Variants in ATXN10 observed in about 807,000 individuals in gnomAD.
The protein encoded by ATXN10 is ataxin 10.
Under a neutral mutation model 52.9 loss-of-function variants are expected in ATXN10, and 28 were observed. The ratio of observed to expected loss-of-function variants is 0.53; its 90% CI spans 0.39 to 0.73. ATXN10 has a LOEUF of 0.73. Among genes scored for constraint, ATXN10 ranks in the 30% least tolerant of loss-of-function variants. ATXN10 has a pLI of 0.00. For synonymous variants in ATXN10, 226 were observed against 221.5 expected, an observed-to-expected ratio of 1.02 and a Z score of -0.18; for missense variants, 565 against 577.0, an observed-to-expected ratio of 0.98 and a Z score of 0.21.
chr22:45,690,557 G>T lies in ATXN10; in HGVS notation c.308+654G>T, dbSNP rs758463171. Among the ~76,000 whole-genome samples the T allele has an allele frequency of 1.3e-5, 2 of 152,162 alleles. No individual in the cohort carries two copies. Among genetic ancestry groups the T allele is most frequent in the Non-Finnish European group, 2.9e-5 (2 of 68,034 alleles). On this transcript the variant is annotated intron_variant, in intron 2 of 11. Coordinates refer to ENST00000252934, the MANE Select transcript of ATXN10 (RefSeq NM_013236.4). The surrounding 1 kb of genome is among the most constrained non-coding windows in gnomAD (Gnocchi z 4.5). ...CTGCCTAAGTTTATATGCAGTTCTT[G>T]ACCTCAGGTTGTAAATGTTTTAATT...
rs1926439065 is a variant in ATXN10 at position 45,762,655 on chromosome 22, G to C, written c.1173+22117G>C. Among the ~76,000 whole-genome samples, 1 of 152,120 alleles carries C rather than the reference G, an allele frequency of 6.6e-6. No homozygotes were observed. Among genetic ancestry groups the C allele is most frequent in the Admixed American group, 6.5e-5 (1 of 15,280 alleles). On this transcript the variant is annotated intron_variant, in intron 9 of 11. Transcript: ENST00000252934. This position sits in a 1 kb window ranked among gnomAD's most constrained non-coding sequence, Gnocchi z 4.3. The stretch of plus-strand genomic sequence containing the variant: ...CAGACTCCCAGAGCATGAACCAAGG[G>C]GCTTCCAGGCCTCAGGGACTGCCTC...
chr22:45,843,613 G>T lies in ATXN10; in HGVS notation c.1426-56G>T, dbSNP rs1929418736. ...TGGGTTTTTTCCCCTTTTGTCTGAT[G>T]AATCTTGTGAACAGATTTGCTACAT... On this transcript the variant is annotated intron_variant, in intron 11 of 11. Coordinates refer to ENST00000252934, the MANE Select transcript of ATXN10 (RefSeq NM_013236.4). This position sits in a 1 kb window ranked among gnomAD's most constrained non-coding sequence, Gnocchi z 4.5. The T allele has an allele frequency of 6.3e-7, 1 of 1,584,788 alleles. No individual in the cohort carries two copies. The highest frequency in any genetic ancestry group is 8.7e-7 in the Non-Finnish European group (1 of 1,155,676).
At position 45,671,857 on chromosome 22, in the gene ATXN10, G is replaced by C. The variant is rs905085942; in HGVS notation, c.-207G>C. 1.2e-4 allele frequency: 54 copies of C among 441,396 alleles called. No individual in the cohort carries two copies. Among genetic ancestry groups the C allele is most frequent in the African/African-American group, 1.1e-3 (50 of 47,556 alleles). 27.3% of individuals were successfully genotyped at this position (441,396 alleles called of 1,614,324 possible). A position where few individuals can be genotyped will look rare whatever the true frequency, so the allele number is the denominator to read the frequency against. ...GCGCCGTCTCCTCCTCCCGCCTGAG[G>C]CGAGTCTGGGCTCAGCCTAGAGCTC... On this transcript the variant is annotated 5_prime_UTR_variant, in exon 1 of 12. Transcript: ENST00000252934.
chr22:45,703,009 G>A (rs1601596735), intron 5 of ATXN10, among the ~76,000 whole-genome samples, 162 bp downstream of exon 5: 1 of 152,306 alleles, frequency 6.6e-6, no homozygotes, highest in East Asian at 1.9e-4. Context: ...AGAATCTAGA[G>A]AACTTGTGAA....
rs1345959860 is a variant in ATXN10 at position 45,684,039 on chromosome 22, A to G, written c.117-5673A>G. On this transcript the variant is annotated intron_variant, in intron 1 of 11. Coordinates refer to ENST00000252934, the MANE Select transcript of ATXN10 (RefSeq NM_013236.4). This position sits in a 1 kb window ranked among gnomAD's most constrained non-coding sequence, Gnocchi z 4.1. ...TGATCATAGCTCACCATAGCCTTGA[A>G]CTCCTGGGTTCAAGCAGTCCTTCTG... Among the ~76,000 whole-genome samples, 1 of 151,578 alleles carries G rather than the reference A, an allele frequency of 6.6e-6. No individual in the cohort carries two copies. Among genetic ancestry groups the G allele is most frequent in the Non-Finnish European group, 1.5e-5 (1 of 67,914 alleles).
intron 5 of ATXN10, among the ~76,000 whole-genome samples, chr22:45,716,136 A>C (rs541140541): frequency 1.1e-3 from 167 of 152,250 alleles, no homozygotes; most frequent in African/African-American, 3.7e-3. Flanking sequence ...ATGGTGGCAC[A>C]TGCGTGTAGT....
chr22:45,738,305 G>T (rs1438257425), intron 7 of ATXN10, among the ~76,000 whole-genome samples: 1 of 152,214 alleles, frequency 6.6e-6, no homozygotes, highest in Admixed American at 6.5e-5. Flanking sequence ...CTGTGGACAA[G>T]AAATTAATGT....
chr22:45,722,901 G>T (rs1924713906), intron 6 of ATXN10, among the ~76,000 whole-genome samples: 1 of 151,836 alleles, frequency 6.6e-6, no homozygotes, highest in Non-Finnish European at 1.5e-5. Flanking sequence ...ATCCCTATCT[G>T]TGGATACCTT....
In ATXN10 at chr22:45,795,606, G is replaced by T. The variant is rs1007824744; in HGVS notation, c.1174-11353G>T. On this transcript the variant is annotated intron_variant, in intron 9 of 11. Transcript: ENST00000252934. This position sits in a 1 kb window ranked among gnomAD's most constrained non-coding sequence, Gnocchi z 4.6. Reference sequence around the variant, plus strand: ...GTATTTTTAGTAGAGACGGTGTTTCGGGAAGTCAGGGACCCTGAACGGAGG... The same window carrying T: ...GTATTTTTAGTAGAGACGGTGTTTCTGGAAGTCAGGGACCCTGAACGGAGG... Among the ~76,000 whole-genome samples, 5 of 151,978 alleles carry T rather than the reference G, an allele frequency of 3.3e-5. No individual in the cohort carries two copies. Among genetic ancestry groups the T allele is most frequent in the Admixed American group, 2.0e-4 (3 of 15,244 alleles).
rs1569028133 is a variant in ATXN10 at position 45,700,395 on chromosome 22, G to A, written c.488+17G>A. ...ACTGTTTTTGTGAGTATATTGATAA[G>A]CATTTTTCTAACTTGTGAGAAGATT... On this transcript the variant is annotated intron_variant, in intron 4 of 11. Transcript: ENST00000252934. 1.9e-6 allele frequency: 3 copies of A among 1,578,270 alleles called. No individual in the cohort carries two copies. Among genetic ancestry groups the A allele is most frequent in the East Asian group, 2.2e-5 (1 of 44,698 alleles).
chr22:45,721,919 A>G (rs976340041), intron 6 of ATXN10, among the ~76,000 whole-genome samples: 1 of 152,148 alleles, frequency 6.6e-6, no homozygotes, highest in South Asian at 2.1e-4. Flanking sequence ...TGTCACATGA[A>G]AAAACAAAAC....
At chr22:45,768,830 G>A (rs1380855237) in intron 9 of ATXN10, among the ~76,000 whole-genome samples, 1 of 152,228 alleles carries the variant, frequency 6.6e-6, no homozygotes, top group Non-Finnish European at 1.5e-5. Flanking sequence ...TGTTCATGGA[G>A]AGATGTCCAT....
rs1288521994 is a variant in ATXN10 at position 45,672,188 on chromosome 22, T to C, written c.116+9T>C. The C allele has an allele frequency of 8.5e-6, 13 of 1,527,312 alleles. No individual in the cohort carries two copies. Among genetic ancestry groups the C allele is most frequent in the Non-Finnish European group, 1.1e-5 (13 of 1,139,896 alleles). 94.6% of individuals were successfully genotyped at this position (1,527,312 alleles called of 1,614,324 possible). ...AAAGAGCAGCGGAACCGGTAACGGGTCCGGCCGGGGGGCTGCCCCGGGCAG... is the reference window on the plus strand; with the variant it reads ...AAAGAGCAGCGGAACCGGTAACGGGCCCGGCCGGGGGGCTGCCCCGGGCAG... On this transcript the variant is annotated intron_variant, in intron 1 of 11. Transcript: ENST00000252934.
chr22:45,714,551 A>T (rs1233476784), intron 5 of ATXN10, among the ~76,000 whole-genome samples: 1 of 151,652 alleles, frequency 6.6e-6, no homozygotes. Flanking sequence ...TGGCTGATTA[A>T]TTTTTTATTT....
At chr22:45,791,980 T>A (rs1041191760) in intron 9 of ATXN10, among the ~76,000 whole-genome samples, 5 of 152,204 alleles carry the variant, frequency 3.3e-5, no homozygotes, top group Non-Finnish European at 7.3e-5. Flanking sequence ...TATTTTTTCT[T>A]ATTTTCTTCC....
chr22:45,716,701 A>T lies in ATXN10; in HGVS notation c.648-1712A>T, dbSNP rs563746897. The stretch of plus-strand genomic sequence containing the variant: ...TGACCCACAGTTCTACTTTGAGAGG[A>T]TAGAAAAAGAAGAGCATAGTAAGTC... On this transcript the variant is annotated intron_variant, in intron 5 of 11. Transcript: ENST00000252934. Among the ~76,000 whole-genome samples the T allele has an allele frequency of 2.0e-5, 3 of 152,262 alleles. No individual in the cohort carries two copies. The South Asian group carries it at 6.2e-4, about 32-fold the overall frequency.
rs1252193347 is a variant in ATXN10, at chr22:45,837,561, CTATT to C, written c.1238-5421_1238-5418del. ...ACAGGCGTGAGCCACTATGCCCGGC[CTATT>C]TATTTATTAATTCAACAAATATCCA... On this transcript the variant is annotated intron_variant, in intron 10 of 11. Coordinates refer to ENST00000252934, the MANE Select transcript of ATXN10 (RefSeq NM_013236.4). This position sits in a 1 kb window ranked among gnomAD's most constrained non-coding sequence, Gnocchi z 5.8. 1.3e-5 allele frequency among the ~76,000 whole-genome samples: 2 copies of C among 152,260 alleles called. No individual in the cohort carries two copies. The highest frequency in any genetic ancestry group is 6.5e-5 in the Admixed American group (1 of 15,286).
In ATXN10 at chr22:45,770,771, A is replaced by C. The variant is rs1190777042; in HGVS notation, c.1173+30233A>C. ...GGGGAGCTAAGGGCAGGATCCAGCC[A>C]CGTCACATTCTCCATGCCTTGCTGG... On this transcript the variant is annotated intron_variant, in intron 9 of 11. Transcript: ENST00000252934. This position sits in a 1 kb window ranked among gnomAD's most constrained non-coding sequence, Gnocchi z 4.5. 1.3e-5 allele frequency among the ~76,000 whole-genome samples: 2 copies of C among 152,202 alleles called. No homozygotes were observed. Among genetic ancestry groups the C allele is most frequent in the Non-Finnish European group, 2.9e-5 (2 of 68,038 alleles).
At position 45,833,386 on chromosome 22, in the gene ATXN10, C is replaced by A. The variant is rs960806221; in HGVS notation, c.1238-9605C>A. Among the ~76,000 whole-genome samples, 1 of 152,194 alleles carries A rather than the reference C, an allele frequency of 6.6e-6. No individual in the cohort carries two copies. Among genetic ancestry groups the A allele is most frequent in the South Asian group, 2.1e-4 (1 of 4,828 alleles). ...CACTGGTGTGTACAGCATAAGAGCG[C>A]TCCTTGACTCCTCAGGGCCTGCTGG... On this transcript the variant is annotated intron_variant, in intron 10 of 11. Coordinates refer to ENST00000252934, the MANE Select transcript of ATXN10 (RefSeq NM_013236.4). This position sits in a 1 kb window ranked among gnomAD's most constrained non-coding sequence, Gnocchi z 4.3.
Sources: allele counts gnomAD v4.1 joint callset (sites outside exome capture counted in the v4.1 genomes callset), GRCh38; gene constraint gnomAD v4.1.1; non-coding constraint Gnocchi (gnomAD v3.1); transcripts MANE v1.5; gene names NCBI Gene and HGNC (gene_info 2026-07-23, HGNC 2026-07-21).